Variants in ZC3H7A observed in about 807,000 individuals in gnomAD.
The protein encoded by ZC3H7A is zinc finger CCCH-type containing 7A.
In ZC3H7A, 44 loss-of-function variants were observed where a neutral mutation model predicts 125.5. The observed-to-expected ratio is 0.35, with a 90% CI of 0.28 to 0.45. ZC3H7A has a LOEUF of 0.45. ZC3H7A is among the 20% of genes least tolerant of loss of function. The pLI is 1.00. For missense variants in ZC3H7A, 977 were observed against 1,170.7 expected, an observed-to-expected ratio of 0.83 and a Z score of 2.41; for synonymous variants, 399 against 391.2, an observed-to-expected ratio of 1.02 and a Z score of -0.23.
At chr16:11,764,554 A>C (rs1279732212) in intron 15 of ZC3H7A, among the ~76,000 whole-genome samples, 1 of 151,886 alleles carries the variant, frequency 6.6e-6, no homozygotes, top group Admixed American at 6.6e-5. Flanking sequence ...GTCTCAAAAA[A>C]ATTAAAAAAT....
intron 1 of ZC3H7A, among the ~76,000 whole-genome samples, chr16:11,793,299 G>A (rs2053381774): frequency 6.6e-6 from 1 of 152,280 alleles, no homozygotes; most frequent in Admixed American, 6.5e-5. Context: ...TTAGGAGGCT[G>A]AGGTGGGAGG....
At chr16:11,775,197 C>T (rs2053058804) in intron 7 of ZC3H7A, among the ~76,000 whole-genome samples, 184 bp from the exon 8 acceptor site, 2 of 151,878 alleles carry the variant, frequency 1.3e-5, no homozygotes, top group Non-Finnish European at 2.9e-5. Flanking sequence ...ATGGTGAAAC[C>T]CTGTCTCTAC....
chr16:11,752,196 T>G (rs1427277153), intron 22 of ZC3H7A, among the ~76,000 whole-genome samples: 2 of 152,190 alleles, frequency 1.3e-5, no homozygotes, highest in Non-Finnish European at 2.9e-5. Context: ...GTAGCCACCA[T>G]GCCCGGCTGC....
rs759246784 is a variant in ZC3H7A at position 11,765,177 on chromosome 16, TC to T, written c.1720-25del. The T allele has an allele frequency of 4.5e-5, 63 of 1,390,522 alleles. No individual in the cohort carries two copies. The highest frequency in any genetic ancestry group is 7.6e-5 in the Admixed American group (3 of 39,562). The allele number at this position is 1,390,522 out of a possible 1,614,324, so 86.1% of individuals were successfully genotyped here. A position where few individuals can be genotyped will look rare whatever the true frequency, so the allele number is the denominator to read the frequency against. ...TTCTGGAATAGAGAGAGAAAGATTA[TC>T]AAAAAAAATACAAAATATAAATTTT... On this transcript the variant is annotated intron_variant, in intron 14 of 22. Coordinates refer to ENST00000355758, the MANE Select transcript of ZC3H7A (RefSeq NM_014153.4). The surrounding 1 kb of genome is among the most constrained non-coding windows in gnomAD (Gnocchi z 4.8).
At chr16:11,752,595 C>G in intron 22 of ZC3H7A, 74 bp downstream of exon 22, 3 of 1,532,728 alleles carry the variant, frequency 2.0e-6, no homozygotes, top group Non-Finnish European at 2.6e-6. Flanking sequence ...CCAGGTATTC[C>G]GTGTCAGCTG....
At chr16:11,764,319 C>T (rs1198706089) in intron 15 of ZC3H7A, among the ~76,000 whole-genome samples, 1 of 152,044 alleles carries the variant, frequency 6.6e-6, no homozygotes, top group Non-Finnish European at 1.5e-5. Flanking sequence ...GAGGCCAAGG[C>T]GGGTGGATCA....
At chr16:11,754,389 G>A (rs1206308540) in intron 21 of ZC3H7A, among the ~76,000 whole-genome samples, 1 of 149,346 alleles carries the variant, frequency 6.7e-6, no homozygotes, top group African/African-American at 2.5e-5. Context: ...GGGAATCAAT[G>A]TGACAAAGGT....
At chr16:11,755,171 T>C (rs891543283) in intron 21 of ZC3H7A, among the ~76,000 whole-genome samples, 3 of 149,918 alleles carry the variant, frequency 2.0e-5, no homozygotes, top group Non-Finnish European at 4.4e-5. Flanking sequence ...GACTACCGCA[T>C]TGCACTCCAG....
chr16:11,784,088 T>C (rs13331576), intron 1 of ZC3H7A, among the ~76,000 whole-genome samples: 5,300 of 152,246 alleles, frequency 0.035, 322 homozygotes, highest in African/African-American at 0.12. Context: ...TTGTATGTGT[T>C]TGAAACATTA....
At chr16:11,757,147 T>C (rs1054866914) in intron 20 of ZC3H7A, among the ~76,000 whole-genome samples, 7 of 151,750 alleles carry the variant, frequency 4.6e-5, no homozygotes, top group Admixed American at 1.3e-4. Flanking sequence ...ACAATGAAAA[T>C]ATCTCCAGAC....
At chr16:11,759,185 C>T (rs969946698) in intron 19 of ZC3H7A, 2 of 152,198 alleles carry the variant, frequency 1.3e-5, no homozygotes, top group Admixed American at 6.5e-5. Context: ...ATCAGCAGAA[C>T]GCAGACTTCC....
At position 11,751,468 on chromosome 16, in the gene ZC3H7A, T is replaced by G; in HGVS notation, c.2765A>C (p.Lys922Thr). ...NGTCPEGNSC[K>T]FAHGNAELHE... ...AAGTTCGGCATTTCCATGTGCAAAT[T>G]TACAGCTGTTTCCTTCTGGGCAGGT... The change falls in exon 23 of 23, where the codon AAA (lysine) becomes ACA (threonine). Residue 922 changes from lysine (K) to threonine (T), a missense_variant. By Grantham distance (78) the Lys-to-Thr change is moderately conservative. Transcript: ENST00000355758. 6.2e-7 allele frequency: 1 copy of G among 1,614,154 alleles called. No homozygotes were observed. Among genetic ancestry groups the G allele is most frequent in the Non-Finnish European group, 8.5e-7 (1 of 1,180,026 alleles).
At chr16:11,769,784 C>CTTTCTTTTTTTT (rs1485329734) in intron 10 of ZC3H7A, among the ~76,000 whole-genome samples, 27 of 61,608 alleles carry the variant, frequency 4.4e-4, no homozygotes, top group African/African-American at 2.6e-3. Flanking sequence ...CAATTGCTTT[C>CTTTCTTTTTTTT]TTTTTTTTTT....
In ZC3H7A at chr16:11,774,960, G is replaced by C; in HGVS notation, c.619+20C>G. On this transcript the variant is annotated intron_variant, in intron 8 of 22. Coordinates refer to ENST00000355758, the MANE Select transcript of ZC3H7A (RefSeq NM_014153.4). ...AAGCTGGCACTATTCAAATTGTTAA[G>C]ATGATATGTGAAAACATACCTGGCT... 6.2e-7 allele frequency: 1 copy of C among 1,613,692 alleles called. No individual in the cohort carries two copies. Among genetic ancestry groups the C allele is most frequent in the Non-Finnish European group, 8.5e-7 (1 of 1,179,626 alleles).
chr16:11,776,959 T>C (rs755722379), intron 4 of ZC3H7A, 50 bp from the exon 5 acceptor site: 22 of 1,458,934 alleles, frequency 1.5e-5, no homozygotes, highest in Non-Finnish European at 2.0e-5. Flanking sequence ...AATTCATTTC[T>C]TGCACTGAGG....
At chr16:11,768,932 A>C (rs2052918459) in intron 11 of ZC3H7A, 99 bp downstream of exon 11, 3 of 1,254,232 alleles carry the variant, frequency 2.4e-6, no homozygotes, top group Non-Finnish European at 3.3e-6. Context: ...CACACACAAA[A>C]TTTAAGGGAG....
At chr16:11,778,994 G>C (rs894421361) in intron 4 of ZC3H7A, among the ~76,000 whole-genome samples, 172 bp downstream of exon 4, 7 of 152,124 alleles carry the variant, frequency 4.6e-5, no homozygotes, top group African/African-American at 1.7e-4. Context: ...TTACAGGCGT[G>C]AGCCACCGTG....
chr16:11,786,902 T>C (rs1239530128), intron 1 of ZC3H7A, among the ~76,000 whole-genome samples: 2 of 152,220 alleles, frequency 1.3e-5, no homozygotes, highest in Admixed American at 1.3e-4. Context: ...TTAATAAATT[T>C]CAAAGTCAGC....
chr16:11,762,784 A>G (rs1466760305), intron 16 of ZC3H7A, 37 bp from the exon 17 acceptor site: 7 of 1,605,486 alleles, frequency 4.4e-6, no homozygotes, highest in East Asian at 2.2e-5. Flanking sequence ...AATTATATCT[A>G]TAAGAACAAC....
Sources: allele counts gnomAD v4.1 joint callset (sites outside exome capture counted in the v4.1 genomes callset), GRCh38; gene constraint gnomAD v4.1.1; non-coding constraint Gnocchi (gnomAD v3.1); transcripts MANE v1.5; gene names NCBI Gene and HGNC (gene_info 2026-07-23, HGNC 2026-07-21).